Variants in ABCB9 observed in about 807,000 individuals in gnomAD.
ABCB9 encodes ABC-type oligopeptide transporter ABCB9.
In ABCB9, 36 loss-of-function variants were observed where a neutral mutation model predicts 62.0. The ratio of observed to expected loss-of-function variants is 0.58; its 90% CI spans 0.45 to 0.77. The LOEUF (loss-of-function observed/expected upper bound fraction) is 0.77. Ranked by LOEUF, ABCB9 falls within the 30% of genes least tolerant of loss-of-function variation. The probability of loss-of-function intolerance (pLI) is 0.00; values close to 1 mark genes in which losing one functional copy is unlikely to be tolerated. For synonymous variants in ABCB9, 435 were observed against 461.4 expected (o/e 0.94, Z 0.73); for missense variants, 943 against 1,054.7 (o/e 0.89, Z 1.47).
intron 9 of ABCB9, among the ~76,000 whole-genome samples, chr12:122,938,880 G>A: frequency 6.6e-6 from 1 of 150,428 alleles, no homozygotes; most frequent in East Asian, 2.0e-4. Context: ...AATATAAAGG[G>A]AAACAACCCA....
In ABCB9 at chr12:122,932,185, G is replaced by A. The variant is rs199984375; in HGVS notation, c.2040+7C>T. 7.0e-5 allele frequency: 109 copies of A among 1,552,218 alleles called. No individual in the cohort carries two copies. In the African/African-American group the frequency reaches 1.3e-3, roughly 19 times the overall value. On this transcript the variant is annotated splice_region_variant and intron_variant, in intron 11 of 11. Coordinates refer to ENST00000280560, the MANE Select transcript of ABCB9 (RefSeq NM_019625.4). The surrounding 1 kb of genome is among the most constrained non-coding windows in gnomAD (Gnocchi z 4.7). Reference sequence around the variant, plus strand: ...GCCCCCGCATTGCCCACCACCCTGTGACTCACCAGATACTCGCTCTCGGCA... The same window carrying A: ...GCCCCCGCATTGCCCACCACCCTGTAACTCACCAGATACTCGCTCTCGGCA...
intron 11 of ABCB9, among the ~76,000 whole-genome samples, chr12:122,922,991 G>A (rs1233716791): frequency 1.3e-5 from 2 of 151,748 alleles, no homozygotes; most frequent in East Asian, 1.9e-4. Context: ...AAAGTTTTTA[G>A]TAGAGATGGG....
At position 122,947,657 on chromosome 12, in the gene ABCB9, G is replaced by A. The variant is rs954309862; in HGVS notation, c.1053+967C>T. ...CCCGCCCATTCAGGAAGCAGGAGGA[G>A]GGTGAGGTCAAACCTGGCTCACGGC... On this transcript the variant is annotated intron_variant, in intron 5 of 11. Transcript: ENST00000280560. The surrounding 1 kb of genome is among the most constrained non-coding windows in gnomAD (Gnocchi z 6.0). 54 of 298,260 alleles carry A rather than the reference G, an allele frequency of 1.8e-4. No individual in the cohort carries two copies. The highest frequency in any genetic ancestry group is 1.3e-3 in the South Asian group (51 of 39,280). The allele number at this position is 298,260 out of a possible 1,614,324, so 18.5% of individuals were successfully genotyped here. A position where few individuals can be genotyped will look rare whatever the true frequency, so the allele number is the denominator to read the frequency against.
chr12:122,970,079 C>A (rs543945070), upstream of ABCB9, among the ~76,000 whole-genome samples: 2 of 152,274 alleles, frequency 1.3e-5, no homozygotes, highest in South Asian at 2.1e-4. Flanking sequence ...TTTATAGAAG[C>A]TTTATCATTA....
At chr12:122,953,269 G>A (rs2036455726) in intron 2 of ABCB9, among the ~76,000 whole-genome samples, 7 of 149,706 alleles carry the variant, frequency 4.7e-5, no homozygotes, top group African/African-American at 1.7e-4. Context: ...CTGGAGTGCA[G>A]TGGCATGATC....
downstream of ABCB9, chr12:122,924,700 C>T: frequency 3.3e-6 from 5 of 1,527,666 alleles, no homozygotes; most frequent in South Asian, 6.0e-5. Context: ...GTGCCGTGCT[C>T]CTCTTCATTC....
At chr12:122,965,595 G>A (rs1485983577) in intron 1 of ABCB9, among the ~76,000 whole-genome samples, 2 of 152,200 alleles carry the variant, frequency 1.3e-5, no homozygotes, top group African/African-American at 4.8e-5. Flanking sequence ...GCAGAGAGGC[G>A]CGAGGTGCCC....
At chr12:122,923,700 C>T (rs1190335031) in intron 11 of ABCB9, among the ~76,000 whole-genome samples, 1 of 152,210 alleles carries the variant, frequency 6.6e-6, no homozygotes, top group African/African-American at 2.4e-5. Context: ...CCACACGTTT[C>T]CCACAAGTTG....
chr12:122,935,195 C>T (rs2035396307), intron 10 of ABCB9, 77 bp downstream of exon 10: 82 of 1,436,410 alleles, frequency 5.7e-5, no homozygotes, highest in Non-Finnish European at 7.5e-5. Flanking sequence ...TGGCAGGGGG[C>T]AGTGCTTAAC....
intron 7 of ABCB9, 118 bp from the exon 8 acceptor site, chr12:122,941,113 G>A: frequency 5.4e-6 from 6 of 1,114,624 alleles, no homozygotes; most frequent in South Asian, 5.0e-5. Context: ...GGAGATGCAG[G>A]AGGCCACCTG....
chr12:122,924,227 C>T (rs1030343102), downstream of ABCB9, among the ~76,000 whole-genome samples: 16 of 152,218 alleles, frequency 1.1e-4, no homozygotes, highest in Non-Finnish European at 2.4e-4. Context: ...CTTGGCCATT[C>T]TGCTAAATAC....
downstream of ABCB9, chr12:122,924,924 T>G: frequency 8.7e-7 from 1 of 1,149,120 alleles, no homozygotes; most frequent in Non-Finnish European, 1.2e-6. Flanking sequence ...AATTTTATAT[T>G]GTTTGTTTTT....
chr12:122,922,971 T>C (rs191980133), intron 11 of ABCB9, among the ~76,000 whole-genome samples: 44 of 152,046 alleles, frequency 2.9e-4, no homozygotes, highest in African/African-American at 1.0e-3. Flanking sequence ...TTTTTCTTCT[T>C]CTTTTTTTTA....
At chr12:122,919,885 A>ATTTG (rs1555268643), downstream of ABCB9, among the ~76,000 whole-genome samples, 1 of 55,136 alleles carries the variant, frequency 1.8e-5, no homozygotes, top group Non-Finnish European at 5.4e-5. Context: ...TTGTTTGTTT[A>ATTTG]TTTATTTATT....
In ABCB9 at chr12:122,964,371, C is replaced by G. The variant is rs1292795951; in HGVS notation, c.-88+1916G>C. On this transcript the variant is annotated intron_variant, in intron 1 of 11. Transcript: ENST00000280560. The surrounding 1 kb of genome is among the most constrained non-coding windows in gnomAD (Gnocchi z 4.7). ...TTCAAACACTCATATCGCAGACTAC[C>G]AAAGCCACATTTTGCAGATGGGGAA... Among the ~76,000 whole-genome samples, 1 of 152,176 alleles carries G rather than the reference C, an allele frequency of 6.6e-6. No individual in the cohort carries two copies. Among genetic ancestry groups the G allele is most frequent in the African/African-American group, 2.4e-5 (1 of 41,434 alleles).
At chr12:122,922,635 T>G (rs985334566) in intron 11 of ABCB9, among the ~76,000 whole-genome samples, 2 of 152,254 alleles carry the variant, frequency 1.3e-5, no homozygotes, top group Admixed American at 1.3e-4. Context: ...CACCTTGGCC[T>G]CCCAAAGTGC....
chr12:122,935,263 G>T lies in ABCB9; in HGVS notation c.1903+9C>A. On this transcript the variant is annotated intron_variant, in intron 10 of 11. Coordinates refer to ENST00000280560, the MANE Select transcript of ABCB9 (RefSeq NM_019625.4). ...GGGCCCAGGAGAGGGGCCACCCCCA[G>T]CTCCACACCTGTGCTGTAGCCGTCC... The T allele has an allele frequency of 6.3e-7, 1 of 1,599,888 alleles. No individual in the cohort carries two copies.
Position 122,948,739 on chromosome 12 carries a change from T to C in ABCB9, c.938A>G (p.Lys313Arg). 1 of 1,613,532 alleles carries C rather than the reference T, an allele frequency of 6.2e-7. No homozygotes were observed. Among genetic ancestry groups the C allele is most frequent in the Non-Finnish European group, 8.5e-7 (1 of 1,179,686 alleles). Residue 313 changes from lysine (K) to arginine (R), a missense_variant, in exon 5 of 12, where the codon AAG becomes AGG. Transcript: ENST00000280560. ...NINVFLRNTV[K>R]VTGVVVFMFS... is the part of the protein sequence containing the mutation. Reference sequence around the variant, plus strand: ...CATGAAGACCACCACGCCCGTGACCTTGACTGTGTTCCGCAGGAAGACATT... The same window carrying C: ...CATGAAGACCACCACGCCCGTGACCCTGACTGTGTTCCGCAGGAAGACATT...
chr12:122,938,074 C>T (rs1411351515), intron 9 of ABCB9, among the ~76,000 whole-genome samples: 1 of 152,210 alleles, frequency 6.6e-6, no homozygotes, highest in Non-Finnish European at 1.5e-5. Context: ...GCTGTTGTGA[C>T]AGAAACTACG....
Sources: gnomAD v4.1 joint callset for allele counts (sites outside exome capture counted in the v4.1 genomes callset) on GRCh38, gnomAD v4.1.1 for gene constraint, Gnocchi (gnomAD v3.1) non-coding constraint, MANE v1.5 for transcripts, NCBI Gene and HGNC (gene_info 2026-07-23, HGNC 2026-07-21) for gene names.